MSN: variants seen among roughly 807,000 people sequenced by gnomAD.
MSN encodes epididymis luminal protein 70.
MSN carries 2 observed loss-of-function variants against 48.0 expected under a neutral mutation model. That is an observed-to-expected ratio of 0.04 (90% CI 0.02 to 0.13). MSN has a LOEUF of 0.13. Among genes scored for constraint, MSN ranks in the 10% least tolerant of loss-of-function variants. MSN has a pLI of 1.00. For missense variants in MSN, 267 were observed against 470.1 expected (o/e 0.57, Z 3.99); for synonymous variants, 146 against 166.9 (o/e 0.87, Z 0.97).
chrX:65,723,708 A>C (rs989305379), intron 2 of MSN, among the ~76,000 whole-genome samples: 2 of 111,982 alleles, frequency 1.8e-5, no homozygotes, highest in African/African-American at 3.2e-5. Flanking sequence ...GGCTTGGAAA[A>C]GGGGTTTAGA....
chrX:65,627,726 T>C (rs1326601145), intron 1 of MSN, among the ~76,000 whole-genome samples: 1 of 111,205 alleles, frequency 9.0e-6, no homozygotes, highest in Non-Finnish European at 1.9e-5. Flanking sequence ...CCCAAAAATC[T>C]TAACTCATTT....
chrX:65,614,703 C>A (rs9724266), intron 1 of MSN, among the ~76,000 whole-genome samples: 1 of 86,709 alleles, frequency 1.2e-5, no homozygotes. Context: ...TTTATTTTTT[C>A]TTTTTTTTTT....
At chrX:65,611,487 T>C (rs2070320703) in intron 1 of MSN, among the ~76,000 whole-genome samples, 1 of 112,043 alleles carries the variant, frequency 8.9e-6, no homozygotes, top group Non-Finnish European at 1.9e-5. Context: ...GACTGGTTTA[T>C]TTCACTTAGC....
At chrX:65,673,480 G>A (rs374441852) in intron 1 of MSN, among the ~76,000 whole-genome samples, 133 of 104,888 alleles carry the variant, frequency 1.3e-3, no homozygotes, top group African/African-American at 4.4e-3. Flanking sequence ...TTTTTGATAC[G>A]GAGTTTTGCT....
intron 1 of MSN, among the ~76,000 whole-genome samples, chrX:65,704,110 C>T (rs1327980204): frequency 9.0e-6 from 1 of 111,028 alleles, no homozygotes; most frequent in Non-Finnish European, 1.9e-5. Flanking sequence ...TTCAGGCAGC[C>T]AAAAATGGTC....
At chrX:65,731,058 G>T (rs748603157) in intron 4 of MSN, 49 bp from the exon 5 acceptor site, 1 of 1,073,696 alleles carries the variant, frequency 9.3e-7, no homozygotes, top group Non-Finnish European at 1.3e-6. Context: ...CTTCTCTCCT[G>T]CACAGGGACT....
intron 1 of MSN, among the ~76,000 whole-genome samples, chrX:65,655,777 G>T (rs1480234885): frequency 1.8e-5 from 2 of 111,884 alleles, no homozygotes; most frequent in African/African-American, 6.5e-5. Context: ...GTTTTGTTTT[G>T]TTTTTTGAGA....
chrX:65,689,662 G>T (rs780622322), intron 1 of MSN, among the ~76,000 whole-genome samples: 2 of 111,509 alleles, frequency 1.8e-5, no homozygotes, highest in African/African-American at 3.3e-5. Flanking sequence ...TGCAGGAAGA[G>T]CAGCTCTCTC....
chrX:65,705,154 TCAGTTTCCC>T (rs1490753017), intron 1 of MSN, among the ~76,000 whole-genome samples: 1 of 111,297 alleles, frequency 9.0e-6, no homozygotes, highest in African/African-American at 3.3e-5. Context: ...TCTTTGGACC[TCAGTTTCCC>T]CAGCTGTATG....
chrX:65,731,330 G>A (rs2071620491), intron 5 of MSN, 140 bp downstream of exon 5: 2 of 511,465 alleles, frequency 3.9e-6, no homozygotes, highest in African/African-American at 4.7e-5. Flanking sequence ...AGGCAAACTA[G>A]GACCATTATA....
intron 1 of MSN, among the ~76,000 whole-genome samples, chrX:65,592,192 C>CTTTTTTTTTTTTTTT: frequency 1.3e-5 from 1 of 76,921 alleles, no homozygotes; most frequent in Non-Finnish European, 2.4e-5. Context: ...CTCTTCATCC[C>CTTTTTTTTTTTTTTT]TTTTTTTTTT....
At chrX:65,686,777 G>A (rs915789443) in intron 1 of MSN, among the ~76,000 whole-genome samples, 2 of 112,229 alleles carry the variant, frequency 1.8e-5, no homozygotes, top group African/African-American at 3.2e-5. Context: ...GTTAGCAGTG[G>A]AAGGCTCTGA....
chrX:65,642,730 C>T (rs2070666683), intron 1 of MSN, among the ~76,000 whole-genome samples: 1 of 111,816 alleles, frequency 8.9e-6, no homozygotes, highest in Non-Finnish European at 1.9e-5. Context: ...AGCTTCTCAT[C>T]ACTGAAGGTG....
At position 65,736,909 on chromosome X, in the gene MSN, T is replaced by A; in HGVS notation, c.1074T>A (p.Thr358=). The change falls in exon 9 of 13, where the codon ACT becomes ACA. Residue 358 remains threonine (T), a synonymous_variant. Coordinates refer to ENST00000360270, the MANE Select transcript of MSN (RefSeq NM_002444.3). ...GGCTGAAGCAGATCGAGGAACAGAC[T>A]AAGAAGGCTCAGCAAGGTGAGGCTT... The part of the protein sequence containing the change: ...MERLKQIEEQ[T]KKAQQELEEQ... 1 of 1,207,431 alleles carries A rather than the reference T, an allele frequency of 8.3e-7. No individual in the cohort carries two copies. Among genetic ancestry groups the A allele is most frequent in the Non-Finnish European group, 1.1e-6 (1 of 893,247 alleles).
Position 65,701,042 on chromosome X carries a change from C to T in MSN, c.13-15776C>T, listed in dbSNP as rs181775704. Among the ~76,000 whole-genome samples the T allele has an allele frequency of 3.6e-5, 4 of 111,984 alleles. No individual in the cohort carries two copies. In the East Asian group the frequency reaches 1.1e-3, roughly 31 times the overall value. On this transcript the variant is annotated intron_variant, in intron 1 of 12. Coordinates refer to ENST00000360270, the MANE Select transcript of MSN (RefSeq NM_002444.3). Reference sequence around the variant, plus strand: ...ATGCAGCATCCTCTCAACCATGCCTCTTCTTTTCCTCAAGTTCCAAGAGCA... The same window carrying T: ...ATGCAGCATCCTCTCAACCATGCCTTTTCTTTTCCTCAAGTTCCAAGAGCA...
chrX:65,637,549 A>T (rs975573341), intron 1 of MSN, among the ~76,000 whole-genome samples: 18 of 111,311 alleles, frequency 1.6e-4, no homozygotes, highest in Non-Finnish European at 3.0e-4. Flanking sequence ...CCCCACAGTG[A>T]TCCAGTCATA....
intron 1 of MSN, among the ~76,000 whole-genome samples, chrX:65,693,396 G>A (rs183773084): frequency 1.8e-5 from 2 of 112,083 alleles, no homozygotes; most frequent in African/African-American, 6.5e-5. Context: ...TTTTAATTGT[G>A]ATGTTAGGGT....
chrX:65,612,183 G>C (rs751934601), intron 1 of MSN, among the ~76,000 whole-genome samples: 90 of 105,717 alleles, frequency 8.5e-4, no homozygotes, highest in African/African-American at 3.5e-3. Flanking sequence ...CACAGGAGTG[G>C]GTTTGTTATT....
At chrX:65,718,176 G>A (rs768432406) in intron 2 of MSN, among the ~76,000 whole-genome samples, 2 of 110,742 alleles carry the variant, frequency 1.8e-5, no homozygotes, top group South Asian at 4.0e-4. Context: ...GAATTAGTAT[G>A]GGCATGTTTT....
Sources: gnomAD v4.1 joint callset for allele counts (sites outside exome capture counted in the v4.1 genomes callset) on GRCh38, gnomAD v4.1.1 for gene constraint, MANE v1.5 for transcripts, NCBI Gene and HGNC (gene_info 2026-07-23, HGNC 2026-07-21) for gene names.